The following RAPGEF5 variants were observed in gnomAD, a reference collection of about 807,000 sequenced individuals.
The protein encoded by RAPGEF5 is M-Ras-regulated GEF.
Under a neutral mutation model 125.2 loss-of-function variants are expected in RAPGEF5, and 65 were observed. The ratio of observed to expected loss-of-function variants is 0.52; its 90% CI spans 0.43 to 0.64. The LOEUF is 0.64. RAPGEF5 is among the 30% of genes least tolerant of loss of function. RAPGEF5 has a pLI of 0.00. For missense variants in RAPGEF5, 958 were observed against 1,048.1 expected (o/e 0.91, Z 1.19); for synonymous variants, 391 against 385.9 (o/e 1.01, Z -0.16).
At chr7:22,354,124 G>A (rs184328544) in intron 1 of RAPGEF5, among the ~76,000 whole-genome samples, 4 of 152,230 alleles carry the variant, frequency 2.6e-5, no homozygotes, top group Non-Finnish European at 4.4e-5. Context: ...ATGCACCTGG[G>A]TTGAGCAACA....
At position 22,331,193 on chromosome 7, in the gene RAPGEF5, C is replaced by G. The variant is rs542329276; in HGVS notation, c.232-13156G>C. Among the ~76,000 whole-genome samples the G allele has an allele frequency of 7.9e-5, 12 of 152,336 alleles. No individual in the cohort carries two copies. In the South Asian group the frequency reaches 2.3e-3, roughly 29 times the overall value. ...CCTGAAATACAGATTCAATTAACTA[C>G]TTTTCCACACAGATCTTTCACTGAG... On this transcript the variant is annotated intron_variant, in intron 1 of 25. Coordinates refer to ENST00000665637, the MANE Select transcript of RAPGEF5 (RefSeq NM_012294.5).
At chr7:22,271,761 C>G (rs1197195128) in intron 6 of RAPGEF5, among the ~76,000 whole-genome samples, 1 of 152,220 alleles carries the variant, frequency 6.6e-6, no homozygotes, top group African/African-American at 2.4e-5. Flanking sequence ...TTTTGGCTTT[C>G]TATCTTGGAT....
intron 7 of RAPGEF5, among the ~76,000 whole-genome samples, chr7:22,236,235 T>G (rs1225212023): frequency 6.6e-6 from 1 of 152,198 alleles, no homozygotes; most frequent in Non-Finnish European, 1.5e-5. Flanking sequence ...CTTTCCTTGG[T>G]GATCTTATCT....
At chr7:22,267,074 G>A in intron 6 of RAPGEF5, 62 bp from the exon 7 acceptor site, 2 of 1,487,216 alleles carry the variant, frequency 1.3e-6, no homozygotes, top group South Asian at 2.4e-5. Flanking sequence ...ATCAAAAGCA[G>A]TACTTTGTTC....
At chr7:22,173,224 T>C (rs1449373785) in intron 11 of RAPGEF5, among the ~76,000 whole-genome samples, 1 of 152,196 alleles carries the variant, frequency 6.6e-6, no homozygotes, top group Non-Finnish European at 1.5e-5. Context: ...TAAGCACAAA[T>C]AAAATTTTTT....
intron 17 of RAPGEF5, among the ~76,000 whole-genome samples, chr7:22,153,864 T>C (rs972065292): frequency 2.6e-5 from 4 of 152,238 alleles, no homozygotes; most frequent in Admixed American, 6.5e-5. Context: ...TCAAGCCGCA[T>C]AGATCAATAG....
chr7:22,141,210 T>C (rs1783249242), intron 20 of RAPGEF5, among the ~76,000 whole-genome samples: 2 of 152,258 alleles, frequency 1.3e-5, no homozygotes, highest in Admixed American at 6.5e-5. Flanking sequence ...CTATTGTGGA[T>C]GATTTTCAAT....
At chr7:22,238,118 G>T (rs1328517706) in intron 7 of RAPGEF5, among the ~76,000 whole-genome samples, 1 of 152,136 alleles carries the variant, frequency 6.6e-6, no homozygotes, top group Non-Finnish European at 1.5e-5. Flanking sequence ...AGAGGTCCTG[G>T]CAAGACTGCA....
rs769474436 is a variant in RAPGEF5 at position 22,220,076 on chromosome 7, G to A, written c.871-85C>T. 4 of 1,482,768 alleles carry A rather than the reference G, an allele frequency of 2.7e-6. No individual in the cohort carries two copies. The Admixed American group carries it at 5.9e-5, about 22-fold the overall frequency. The allele number at this position is 1,482,768 out of a possible 1,614,324, so 91.9% of individuals were successfully genotyped here. ...CACCGCAAAGTTCACCTTATAATAAGCTCATCTTTTCCACTGCCTGGATTA... is the reference window on the plus strand; with the variant it reads ...CACCGCAAAGTTCACCTTATAATAAACTCATCTTTTCCACTGCCTGGATTA... On this transcript the variant is annotated intron_variant, in intron 8 of 25. Transcript: ENST00000665637.
chr7:22,232,835 T>C (rs1786092235), intron 7 of RAPGEF5, among the ~76,000 whole-genome samples: 1 of 152,300 alleles, frequency 6.6e-6, no homozygotes, highest in South Asian at 2.1e-4. Context: ...TATGCCTACT[T>C]ATATAATAAG....
Position 22,199,531 on chromosome 7 carries a change from GAAAAAA to G in RAPGEF5, c.997-5504_997-5499del, listed in dbSNP as rs35024654. On this transcript the variant is annotated intron_variant, in intron 9 of 25. Coordinates refer to ENST00000665637, the MANE Select transcript of RAPGEF5 (RefSeq NM_012294.5). Reference sequence around the variant, plus strand: ...GTTATGTAAGTTTTACCTTAAAATTGAAAAAAAAAAAAAAAAAAAAAAAAAAAGGAA... The same window carrying G: ...GTTATGTAAGTTTTACCTTAAAATTGAAAAAAAAAAAAAAAAAAAAAGGAA... 1.9e-4 allele frequency among the ~76,000 whole-genome samples: 12 copies of G among 62,850 alleles called. 1 individual carries two copies. Among genetic ancestry groups the G allele is most frequent in the East Asian group, 7.5e-4 (2 of 2,658 alleles). The allele number at this position is 62,850 out of a possible 152,430, so 41.2% of individuals were successfully genotyped here. A position where few individuals can be genotyped will look rare whatever the true frequency, so the allele number is the denominator to read the frequency against.
chr7:22,254,186 T>C (rs550891945), intron 7 of RAPGEF5, among the ~76,000 whole-genome samples: 5 of 152,188 alleles, frequency 3.3e-5, no homozygotes, highest in African/African-American at 1.2e-4. Flanking sequence ...CTGCTCCCAA[T>C]ATTACATACA....
intron 13 of RAPGEF5, among the ~76,000 whole-genome samples, chr7:22,161,537 A>ACAC (rs1783997787): frequency 1.5e-5 from 2 of 136,046 alleles, no homozygotes; most frequent in Admixed American, 1.5e-4. Flanking sequence ...ACCCTGTCTC[A>ACAC]ACACACACAC....
rs893282953 is a variant in RAPGEF5, at chr7:22,136,839, G to A, written c.2328+94C>T. The A allele has an allele frequency of 6.0e-5, 65 of 1,086,900 alleles. 1 individual carries two copies. The highest frequency in any genetic ancestry group is 1.3e-4 in the South Asian group (9 of 68,474). 67.3% of individuals were successfully genotyped at this position (1,086,900 alleles called of 1,614,324 possible). On this transcript the variant is annotated intron_variant, in intron 22 of 25. Transcript: ENST00000665637. ...TAAACTAGTCTAGGCTACCTGACAC[G>A]GTAGAGTACAAATACCACCCACTAT...
chr7:22,279,971 G>A (rs1411680043), intron 6 of RAPGEF5, among the ~76,000 whole-genome samples: 1 of 152,146 alleles, frequency 6.6e-6, no homozygotes, highest in African/African-American at 2.4e-5. Flanking sequence ...ATGCCCTCGT[G>A]CTTCCTATGT....
chr7:22,160,660 T>C lies in RAPGEF5; in HGVS notation c.1429-45A>G, dbSNP rs905816954. On this transcript the variant is annotated intron_variant, in intron 13 of 25. Transcript: ENST00000665637. ...GAGAGCTCAGTGGTTGAATGCCCAT[T>C]TTGTAGGGATTAAGACTCATACCAT... The C allele has an allele frequency of 4.0e-6, 6 of 1,500,588 alleles. No individual in the cohort carries two copies. The African/African-American group carries it at 4.2e-5, about 11-fold the overall frequency. The allele number at this position is 1,500,588 out of a possible 1,614,324, so 93.0% of individuals were successfully genotyped here. A position where few individuals can be genotyped will look rare whatever the true frequency, so the allele number is the denominator to read the frequency against.
chr7:22,169,827 T>TCTAGC (rs1294859108), intron 11 of RAPGEF5, among the ~76,000 whole-genome samples: 2 of 115,444 alleles, frequency 1.7e-5, no homozygotes, highest in East Asian at 5.9e-4. Context: ...GTCACTGCCC[T>TCTAGC]CTAGCCTGTG....
intron 6 of RAPGEF5, among the ~76,000 whole-genome samples, chr7:22,268,140 A>C (rs1782328810): frequency 6.6e-6 from 1 of 152,192 alleles, no homozygotes; most frequent in Non-Finnish European, 1.5e-5. Flanking sequence ...AGTGAAAGTC[A>C]TTCAAAAATG....
Position 22,286,170 on chromosome 7 carries a change from C to A in RAPGEF5, c.747+5005G>T, listed in dbSNP as rs193133043. On this transcript the variant is annotated intron_variant, in intron 6 of 25. Coordinates refer to ENST00000665637, the MANE Select transcript of RAPGEF5 (RefSeq NM_012294.5). Reference sequence around the variant, plus strand: ...CAGAAGAGAGAGACATAAATTCCCCCCCACCACCACCGGGTTAATGTTTTA... The same window carrying A: ...CAGAAGAGAGAGACATAAATTCCCCACCACCACCACCGGGTTAATGTTTTA... Among the ~76,000 whole-genome samples, 407 of 152,010 alleles carry A rather than the reference C, an allele frequency of 2.7e-3. 1 individual carries two copies. The highest frequency in any genetic ancestry group is 4.8e-3 in the Non-Finnish European group (324 of 67,850).
Sources: allele counts gnomAD v4.1 joint callset (sites outside exome capture counted in the v4.1 genomes callset), GRCh38; gene constraint gnomAD v4.1.1; transcripts MANE v1.5; gene names NCBI Gene and HGNC (gene_info 2026-07-23, HGNC 2026-07-21).